CAT: variants seen among roughly 807,000 people sequenced by gnomAD.
CAT encodes the protein epididymis secretory sperm binding protein.
In CAT, 43 loss-of-function variants were observed where a neutral mutation model predicts 59.0. The observed-to-expected ratio is 0.73, with a 90% CI of 0.57 to 0.94. CAT has a LOEUF of 0.94. Among genes scored for constraint, CAT ranks in the 40% least tolerant of loss-of-function variants. CAT has a pLI of 0.00. For missense variants in CAT, 664 were observed against 682.9 expected, an observed-to-expected ratio of 0.97 and a Z score of 0.31; for synonymous variants, 218 against 230.9, an observed-to-expected ratio of 0.94 and a Z score of 0.51.
chr11:34,466,801 A>G (rs1856724587), intron 10 of CAT, among the ~76,000 whole-genome samples: 2 of 150,370 alleles, frequency 1.3e-5, no homozygotes, highest in Non-Finnish European at 3.0e-5. Context: ...AAAAAAAAAA[A>G]AAAGAAAATA....
chr11:34,440,540 A>ATTTTCT (rs1220517396), intron 1 of CAT, among the ~76,000 whole-genome samples: 2 of 150,930 alleles, frequency 1.3e-5, no homozygotes, highest in Non-Finnish European at 3.0e-5. Flanking sequence ...AAAACAAAAT[A>ATTTTCT]TTTTCTTTTT....
chr11:34,461,423 G>A lies in CAT; in HGVS notation c.1195+34G>A, dbSNP rs35915891. 7.8e-4 allele frequency: 1,265 copies of A among 1,612,584 alleles called. 14 individuals are homozygous for A. The African/African-American group carries it at 0.015, about 20-fold the overall frequency. On this transcript the variant is annotated intron_variant, in intron 9 of 12. Transcript: ENST00000241052. ...AAAGACGTTGGGCTCCCCCTGCGTG[G>A]GCAGAGGGCACGTGGAGCAGATGGG...
chr11:34,466,358 C>T (rs1856715951), intron 10 of CAT, among the ~76,000 whole-genome samples: 2 of 152,070 alleles, frequency 1.3e-5, no homozygotes, highest in Non-Finnish European at 2.9e-5. Flanking sequence ...CACATTAAGA[C>T]CTTATGACTG....
At chr11:34,439,127 G>T (rs912618928) in intron 1 of CAT, 48 bp downstream of exon 1, 18 of 1,527,196 alleles carry the variant, frequency 1.2e-5, no homozygotes, top group African/African-American at 8.3e-5. Context: ...TTTAGAAAGC[G>T]GGGGCGTCGG....
Position 34,471,507 on chromosome 11 carries a change from CT to C in CAT, c.*75del. ...ACCCGCTCATCACTGGATGAAGATT[CT>C]CCTGTGCTAGATGTGCAAATGCAAG... On this transcript the variant is annotated 3_prime_UTR_variant, in exon 13 of 13. Transcript: ENST00000241052. The C allele has an allele frequency of 1.6e-6, 2 of 1,280,202 alleles. No homozygotes were observed. Among genetic ancestry groups the C allele is most frequent in the Non-Finnish European group, 2.3e-6 (2 of 875,404 alleles). 79.3% of individuals were successfully genotyped at this position (1,280,202 alleles called of 1,614,324 possible).
chr11:34,444,254 C>G (rs1234417065), intron 1 of CAT, among the ~76,000 whole-genome samples: 2 of 152,036 alleles, frequency 1.3e-5, no homozygotes, highest in Non-Finnish European at 2.9e-5. Flanking sequence ...TATGGCATGA[C>G]TGAAGTATGA....
At chr11:34,456,439 C>T (rs1471460205) in intron 7 of CAT, among the ~76,000 whole-genome samples, 1 of 152,200 alleles carries the variant, frequency 6.6e-6, no homozygotes, top group Admixed American at 6.5e-5. Context: ...TAACAGGGAA[C>T]AGATTATGAA....
At chr11:34,467,640 T>C (rs1431763966) in intron 10 of CAT, among the ~76,000 whole-genome samples, 3 of 152,206 alleles carry the variant, frequency 2.0e-5, no homozygotes, top group African/African-American at 7.2e-5. Flanking sequence ...AATAAAATCA[T>C]AGCTACAACC....
At chr11:34,450,951 G>T (rs751339008) in intron 2 of CAT, 37 bp from the exon 3 acceptor site, 2 of 1,351,442 alleles carry the variant, frequency 1.5e-6, no homozygotes, top group East Asian at 2.3e-5. Flanking sequence ...TCTGAGTAAT[G>T]GTCTCATGGT....
rs1276048870 is a variant in CAT, at chr11:34,452,134, T to G, written c.407T>G (p.Phe136Cys). Residue 136 changes from phenylalanine (F) to cysteine (C), a missense_variant, in exon 4 of 13, where the codon TTT (phenylalanine) becomes TGT (cysteine). Phe to Cys is a radical substitution (Grantham distance 205, BLOSUM62 -2). Coordinates refer to ENST00000241052, the MANE Select transcript of CAT (RefSeq NM_001752.4). ...GACCCTCGTGGGTTTGCAGTGAAAT[T>G]TTACACAGAAGATGGTAACTGGGAT... ...VRDPRGFAVK[F>C]YTEDGNWDLV... The G allele has an allele frequency of 1.9e-6, 3 of 1,613,648 alleles. No homozygotes were observed. The highest frequency in any genetic ancestry group is 2.7e-5 in the African/African-American group (2 of 74,868).
At chr11:34,458,540 G>T (rs796737104) in intron 8 of CAT, among the ~76,000 whole-genome samples, 1 of 152,168 alleles carries the variant, frequency 6.6e-6, no homozygotes, top group African/African-American at 2.4e-5. Flanking sequence ...GGTAATCCTG[G>T]GCCCTAAAAC....
intron 1 of CAT, among the ~76,000 whole-genome samples, chr11:34,440,831 G>A (rs1275066884): frequency 4.6e-5 from 7 of 152,050 alleles, no homozygotes; most frequent in Admixed American, 4.6e-4. Flanking sequence ...CCAAAGTACC[G>A]AGATTACAGG....
chr11:34,456,748 T>C lies in CAT; in HGVS notation c.987T>C (p.Val329=). The change falls in exon 8 of 13, where the codon GTT becomes GTC. Residue 329 remains valine (V), a synonymous_variant. Transcript: ENST00000241052. The stretch of plus-strand genomic sequence containing the variant: ...ATCCAGTTAATTACTTTGCTGAGGT[T>C]GAACAGATAGCCTTCGACCCAAGCA... ...NRNPVNYFAE[V]EQIAFDPSNM... is the part of the protein sequence containing the mutation. 6.2e-7 allele frequency: 1 copy of C among 1,614,170 alleles called. No homozygotes were observed.
At chr11:34,470,677 A>G (rs780415927) in intron 11 of CAT, 8 of 438,892 alleles carry the variant, frequency 1.8e-5, no homozygotes, top group African/African-American at 6.0e-5. Flanking sequence ...TATTTTTAAA[A>G]TTATACTGAT....
At chr11:34,467,674 G>A (rs1422045178) in intron 10 of CAT, among the ~76,000 whole-genome samples, 4 of 152,118 alleles carry the variant, frequency 2.6e-5, no homozygotes, top group Non-Finnish European at 4.4e-5. Context: ...ATGGGGCAGA[G>A]GCTGCTCGGA....
At chr11:34,447,258 C>T (rs903422047) in intron 1 of CAT, among the ~76,000 whole-genome samples, 2 of 152,124 alleles carry the variant, frequency 1.3e-5, no homozygotes, top group African/African-American at 2.4e-5. Flanking sequence ...TTCTATCAGA[C>T]ATCTCTAGGG....
intron 2 of CAT, among the ~76,000 whole-genome samples, chr11:34,450,611 G>A (rs1733156050): frequency 6.6e-6 from 1 of 152,130 alleles, no homozygotes; most frequent in Non-Finnish European, 1.5e-5. Flanking sequence ...GTTGCTAAGT[G>A]TTGAAAAGAT....
At chr11:34,462,339 T>C (rs1455676941) in intron 9 of CAT, among the ~76,000 whole-genome samples, 1 of 152,142 alleles carries the variant, frequency 6.6e-6, no homozygotes, top group Non-Finnish European at 1.5e-5. Flanking sequence ...AAATTTGGAA[T>C]ATATAGGAAA....
At chr11:34,452,635 C>T (rs937675770) in intron 4 of CAT, among the ~76,000 whole-genome samples, 1 of 152,124 alleles carries the variant, frequency 6.6e-6, no homozygotes, top group Non-Finnish European at 1.5e-5. Flanking sequence ...AGGCAGATCA[C>T]TGGAGTCCAT....
Sources: allele counts gnomAD v4.1 joint callset (sites outside exome capture counted in the v4.1 genomes callset), GRCh38; gene constraint gnomAD v4.1.1; transcripts MANE v1.5; gene names NCBI Gene and HGNC (gene_info 2026-07-23, HGNC 2026-07-21).